Variants in MTHFD2L observed in about 807,000 individuals in gnomAD.
MTHFD2L encodes bifunctional methylenetetrahydrofolate dehydrogenase/cyclohydrolase 2, mitochondrial.
MTHFD2L carries 29 observed loss-of-function variants against 34.9 expected under a neutral mutation model. The observed-to-expected ratio is 0.83, with a 90% confidence interval of 0.62 to 1.13. MTHFD2L has a LOEUF of 1.13. MTHFD2L is among the 50% of genes most tolerant of loss of function. The probability of loss-of-function intolerance (pLI) is 0.00; values close to 1 mark genes in which losing one functional copy is unlikely to be tolerated. For missense variants in MTHFD2L, 481 were observed against 446.5 expected (o/e 1.08, Z -0.70); for synonymous variants, 167 against 155.7 (o/e 1.07, Z -0.54).
chr4:74,220,360 A>G (rs980581701), intron 5 of MTHFD2L, among the ~76,000 whole-genome samples: 3 of 152,004 alleles, frequency 2.0e-5, no homozygotes, highest in Non-Finnish European at 4.4e-5. Flanking sequence ...GGTGGTACCA[A>G]CTAAAATAAA....
chr4:74,133,342 A>T (rs1174741663), intron 1 of MTHFD2L, among the ~76,000 whole-genome samples: 1 of 152,096 alleles, frequency 6.6e-6, no homozygotes, highest in Non-Finnish European at 1.5e-5. Flanking sequence ...ATATCTAGAT[A>T]TTTCTGTCTT....
At chr4:74,223,833 C>G (rs1738663741) in intron 5 of MTHFD2L, among the ~76,000 whole-genome samples, 1 of 151,940 alleles carries the variant, frequency 6.6e-6, no homozygotes, top group African/African-American at 2.4e-5. Flanking sequence ...GTAAAATTTA[C>G]TCTTTTTGGT....
At chr4:74,126,907 G>T (rs1279955291) in intron 1 of MTHFD2L, among the ~76,000 whole-genome samples, 1 of 152,092 alleles carries the variant, frequency 6.6e-6, no homozygotes, top group African/African-American at 2.4e-5. Flanking sequence ...TAATCCCCAT[G>T]TGTCGAGGAA....
chr4:74,238,580 G>T (rs1026858131), intron 6 of MTHFD2L, among the ~76,000 whole-genome samples: 2 of 152,048 alleles, frequency 1.3e-5, no homozygotes, highest in Non-Finnish European at 2.9e-5. Flanking sequence ...GAAAATTTTT[G>T]CAATCTACCC....
chr4:74,239,490 T>TA (rs11374613), intron 6 of MTHFD2L, among the ~76,000 whole-genome samples: 176 of 150,020 alleles, frequency 1.2e-3, no homozygotes, highest in Middle Eastern at 3.5e-3. Flanking sequence ...AGTATAATTT[T>TA]AAAAAAAAAA....
At chr4:74,149,822 A>G (rs891434668) in intron 1 of MTHFD2L, among the ~76,000 whole-genome samples, 2 of 152,190 alleles carry the variant, frequency 1.3e-5, no homozygotes, top group African/African-American at 4.8e-5. Flanking sequence ...AAAAATGTTT[A>G]TATCCTAGGT....
intron 7 of MTHFD2L, among the ~76,000 whole-genome samples, chr4:74,287,993 A>G (rs10023519): frequency 0.25 from 37,562 of 152,028 alleles, 5,032 homozygotes; most frequent in African/African-American, 0.36. Flanking sequence ...TGCTGAGTCA[A>G]CCTTGCCAGG....
At chr4:74,138,959 T>C (rs1356982040) in intron 1 of MTHFD2L, among the ~76,000 whole-genome samples, 1 of 152,114 alleles carries the variant, frequency 6.6e-6, no homozygotes, top group African/African-American at 2.4e-5. Flanking sequence ...ACTACCTGAT[T>C]GGTTGAGTGT....
chr4:74,223,894 T>G (rs1011017954), intron 5 of MTHFD2L, among the ~76,000 whole-genome samples: 1 of 152,142 alleles, frequency 6.6e-6, no homozygotes, highest in African/African-American at 2.4e-5. Context: ...ATTAAGTTAA[T>G]TAGTCTAACA....
chr4:74,198,928 A>G (rs1733941808), intron 3 of MTHFD2L, among the ~76,000 whole-genome samples: 1 of 152,176 alleles, frequency 6.6e-6, no homozygotes, highest in South Asian at 2.1e-4. Context: ...ATAAAACCCA[A>G]GGCATAGCTT....
chr4:74,215,215 A>T (rs1737000412), intron 5 of MTHFD2L, among the ~76,000 whole-genome samples: 1 of 151,614 alleles, frequency 6.6e-6, no homozygotes, highest in Admixed American at 6.5e-5. Flanking sequence ...GTTCTGTCTC[A>T]CTGATGTTCC....
chr4:74,158,418 T>C, intron 1 of MTHFD2L, 137 bp downstream of exon 1: 1 of 628,584 alleles, frequency 1.6e-6, no homozygotes, highest in Non-Finnish European at 2.0e-6. Context: ...GACAGCCTTG[T>C]CTGTGAGGTG....
chr4:74,134,546 T>C (rs1398057005), intron 1 of MTHFD2L, among the ~76,000 whole-genome samples: 2 of 152,114 alleles, frequency 1.3e-5, no homozygotes, highest in Non-Finnish European at 2.9e-5. Context: ...GACTAAATAA[T>C]TATTAATACA....
At chr4:74,152,281 T>C (rs1343375118) in intron 1 of MTHFD2L, among the ~76,000 whole-genome samples, 1 of 152,092 alleles carries the variant, frequency 6.6e-6, no homozygotes, top group Admixed American at 6.5e-5. Flanking sequence ...TTTGAGGGCA[T>C]AAAAAAACTC....
rs370185016 is a variant in MTHFD2L at position 74,131,196 on chromosome 4, G to T, written c.-297+5679G>T. On this transcript the variant is annotated intron_variant, in intron 1 of 7. Transcript: ENST00000433372. ...TATAGATTCAATGCTATCCCATCAA[G>T]CTACCATTGACTTTCTTCACAGAAT... Among the ~76,000 whole-genome samples, 21 of 152,246 alleles carry T rather than the reference G, an allele frequency of 1.4e-4. 1 individual carries two copies. The highest frequency in any genetic ancestry group is 4.8e-4 in the African/African-American group (20 of 41,550).
At chr4:74,211,119 C>G (rs896977241) in intron 5 of MTHFD2L, among the ~76,000 whole-genome samples, 18 of 152,156 alleles carry the variant, frequency 1.2e-4, no homozygotes, top group Non-Finnish European at 1.2e-4. Flanking sequence ...ACAATCATGT[C>G]ATCTGCAAAC....
intron 1 of MTHFD2L, among the ~76,000 whole-genome samples, chr4:74,138,733 A>G (rs1157544768): frequency 6.6e-6 from 1 of 152,142 alleles, no homozygotes; most frequent in Non-Finnish European, 1.5e-5. Context: ...TGTAAGAAAC[A>G]TGGACCAGAA....
At chr4:74,248,001 A>G (rs972337252) in intron 6 of MTHFD2L, among the ~76,000 whole-genome samples, 7 of 152,102 alleles carry the variant, frequency 4.6e-5, no homozygotes, top group African/African-American at 1.7e-4. Context: ...TCATAAAATG[A>G]GTTAGGGAGG....
rs1472697560 is a variant in MTHFD2L at position 74,127,558 on chromosome 4, T to C, written c.-297+2041T>C. Among the ~76,000 whole-genome samples, 3 of 152,164 alleles carry C rather than the reference T, an allele frequency of 2.0e-5. No homozygotes were observed. The East Asian group carries it at 5.8e-4, about 29-fold the overall frequency. On this transcript the variant is annotated intron_variant, in intron 1 of 7. Coordinates refer to the MTHFD2L transcript ENST00000433372. Reference sequence around the variant, plus strand: ...ACATAATGACCTCCAGTTCCATCTATGTTGCTGCAAATGACAGGATTGCAT... The same window carrying C: ...ACATAATGACCTCCAGTTCCATCTACGTTGCTGCAAATGACAGGATTGCAT...
Sources: allele counts gnomAD v4.1 joint callset (sites outside exome capture counted in the v4.1 genomes callset), GRCh38; gene constraint gnomAD v4.1.1; transcripts MANE v1.5; gene names NCBI Gene and HGNC (gene_info 2026-07-23, HGNC 2026-07-21).